Variants in ANXA9 observed in about 807,000 individuals in gnomAD.
ANXA9 encodes the protein annexin 31.
A neutral mutation model predicts 51.8 loss-of-function variants in ANXA9; 47 were observed. The ratio of observed to expected loss-of-function variants is 0.91; its 90% CI spans 0.72 to 1.16. The LOEUF (loss-of-function observed/expected upper bound fraction) is 1.16. ANXA9 is among the 50% of genes most tolerant of loss of function. The probability of loss-of-function intolerance (pLI) is 0.00; values close to 1 mark genes in which losing one functional copy is unlikely to be tolerated. For missense variants in ANXA9, 361 were observed against 424.7 expected, an observed-to-expected ratio of 0.85 and a Z score of 1.32; for synonymous variants, 154 against 168.7, an observed-to-expected ratio of 0.91 and a Z score of 0.68.
chr1:150,983,094 A>G lies in ANXA9; in HGVS notation c.-12A>G. 1 of 1,613,076 alleles carries G rather than the reference A, an allele frequency of 6.2e-7. No individual in the cohort carries two copies. Among genetic ancestry groups the G allele is most frequent in the Non-Finnish European group, 8.5e-7 (1 of 1,179,500 alleles). ...GGCTCCTGTTTCCTTCCCCAGGGCA[A>G]CCAGTAGCACCATGTCTGTGACTGG... On this transcript the variant is annotated 5_prime_UTR_variant, in exon 3 of 14. Transcript: ENST00000368947.
At position 150,983,395 on chromosome 1, in the gene ANXA9, A is replaced by G; in HGVS notation, c.133A>G (p.Lys45Glu). The G allele has an allele frequency of 6.2e-7, 1 of 1,613,916 alleles. No individual in the cohort carries two copies. Among genetic ancestry groups the G allele is most frequent in the Non-Finnish European group, 8.5e-7 (1 of 1,179,894 alleles). Reference sequence around the variant, plus strand: ...GACCTTCTTGAACTTCAGCGTGGACAAGGATGCGCAGAGGCTACTGAGGGC... The same window carrying G: ...GACCTTCTTGAACTTCAGCGTGGACGAGGATGCGCAGAGGCTACTGAGGGC... ...LRTFLNFSVDKDAQRLLRAIT... is the reference protein window; with the variant it reads ...LRTFLNFSVDEDAQRLLRAIT... Residue 45 changes from lysine (K) to glutamate (E), a missense_variant, in exon 4 of 14, where the codon AAG (lysine) becomes GAG (glutamate). Physicochemically the swap from Lys to Glu is moderately conservative, Grantham distance 56. Transcript: ENST00000368947.
At chr1:150,987,559 C>T (rs1671596084) in intron 9 of ANXA9, among the ~76,000 whole-genome samples, 1 of 151,432 alleles carries the variant, frequency 6.6e-6, no homozygotes, top group Admixed American at 6.6e-5. Flanking sequence ...GAAACCCCGT[C>T]TCTACTAAAA....
Position 150,984,333 on chromosome 1 carries a change from T to C in ANXA9, c.320T>C (p.Val107Ala). 1.9e-6 allele frequency: 3 copies of C among 1,614,174 alleles called. No individual in the cohort carries two copies. In the South Asian group the frequency reaches 3.3e-5, roughly 18 times the overall value. ...CTTTCCGGCAACCTGGAGAGGATTG[T>C]GATGGCTCTGCTGCAGCCCACAGCC... The part of the protein sequence containing the change: ...AALSGNLERI[V>A]MALLQPTAQF... Residue 107 changes from valine (V) to alanine (A), a missense_variant, in exon 6 of 14, where the codon GTG (valine) becomes GCG (alanine). Physicochemically the swap from Val to Ala is moderately conservative, Grantham distance 64 (BLOSUM62 0). Coordinates refer to ENST00000368947, the MANE Select transcript of ANXA9 (RefSeq NM_003568.3).
At chr1:150,985,504 A>T (rs1671531890) in intron 7 of ANXA9, among the ~76,000 whole-genome samples, 2 of 139,890 alleles carry the variant, frequency 1.4e-5, no homozygotes, top group African/African-American at 2.7e-5. Context: ...TCATCTTACC[A>T]CCCCTTCCCC....
chr1:150,992,348 GAGACCAGACTGACCAACA>G (rs879622695), intron 12 of ANXA9, among the ~76,000 whole-genome samples: 7 of 152,198 alleles, frequency 4.6e-5, no homozygotes, highest in Admixed American at 4.6e-4. Context: ...TCAGGAGTTC[GAGACCAGACTGACCAACA>G]TGGTGAAACC....
At chr1:150,989,627 G>A (rs1671650602) in intron 12 of ANXA9, among the ~76,000 whole-genome samples, 1 of 152,034 alleles carries the variant, frequency 6.6e-6, no homozygotes, top group South Asian at 2.1e-4. Flanking sequence ...GGAGGCGGAG[G>A]TTGTAGTGAA....
At chr1:150,990,409 T>C (rs587620900) in intron 12 of ANXA9, among the ~76,000 whole-genome samples, 4 of 152,060 alleles carry the variant, frequency 2.6e-5, no homozygotes, top group South Asian at 4.2e-4. Context: ...CTCTGTTGCC[T>C]AGGCTGGAGT....
At chr1:150,980,942 C>A (rs755651899), upstream of ANXA9, among the ~76,000 whole-genome samples, 7 of 151,660 alleles carry the variant, frequency 4.6e-5, no homozygotes, top group Admixed American at 1.3e-4. Flanking sequence ...TTTTTGGGGA[C>A]AAGGTGGTGT....
upstream of ANXA9, among the ~76,000 whole-genome samples, chr1:150,979,737 CT>C (rs1671382846): frequency 3.3e-5 from 5 of 152,274 alleles, no homozygotes; most frequent in African/African-American, 1.2e-4. Flanking sequence ...GATCGGAATT[CT>C]TAAGGAGGTA....
chr1:150,982,778 C>T (rs913327967), intron 2 of ANXA9, among the ~76,000 whole-genome samples, 195 bp downstream of exon 2: 2 of 152,184 alleles, frequency 1.3e-5, no homozygotes, highest in African/African-American at 2.4e-5. Context: ...AGGCATCTAC[C>T]GCGGACCAAG....
upstream of ANXA9, among the ~76,000 whole-genome samples, chr1:150,977,409 T>C (rs1385016396): frequency 2.0e-5 from 3 of 152,200 alleles, no homozygotes; most frequent in Non-Finnish European, 4.4e-5. Context: ...ACCGCTTGCC[T>C]TGGCTGGACC....
chr1:150,979,833 C>A (rs1671386449), upstream of ANXA9, among the ~76,000 whole-genome samples: 1 of 152,226 alleles, frequency 6.6e-6, no homozygotes. Flanking sequence ...CTTAACAGCG[C>A]TGTGCCCAGA....
In ANXA9 at chr1:150,995,607, T is replaced by G. The variant is rs757330604; in HGVS notation, c.*285T>G. ...CCTCCTGTACCCTGGCCAGAACATC[T>G]CACTGATACTCGAATTCTTTTGGCA... On this transcript the variant is annotated 3_prime_UTR_variant, in exon 14 of 14. Transcript: ENST00000368947. 6.3e-6 allele frequency: 2 copies of G among 319,556 alleles called. No homozygotes were observed. The highest frequency in any genetic ancestry group is 1.1e-5 in the Non-Finnish European group (2 of 174,346). 19.8% of individuals were successfully genotyped at this position (319,556 alleles called of 1,614,324 possible).
At position 150,983,325 on chromosome 1, in the gene ANXA9, T is replaced by C; in HGVS notation, c.76-13T>C. On this transcript the variant is annotated splice_polypyrimidine_tract_variant and intron_variant, in intron 3 of 13. Transcript: ENST00000368947. ...TGGCCCTGGCCCTTGCCAACTACCC[T>C]GTGCTCCCACAGACTGCAGCGTGGG... is the stretch of plus-strand genomic sequence containing the variant. 6.2e-7 allele frequency: 1 copy of C among 1,613,420 alleles called. No homozygotes were observed. The highest frequency in any genetic ancestry group is 2.2e-5 in the East Asian group (1 of 44,876).
In ANXA9 at chr1:150,988,078, C is replaced by G; in HGVS notation, c.698-13C>G. The stretch of plus-strand genomic sequence containing the variant: ...CCCCATCCATCTTTCTAACTGCCTC[C>G]TACACACACAAGTGTTTGATCAGTA... On this transcript the variant is annotated splice_polypyrimidine_tract_variant and intron_variant, in intron 10 of 13. Transcript: ENST00000368947. 1.9e-6 allele frequency: 3 copies of G among 1,614,158 alleles called. No individual in the cohort carries two copies. The highest frequency in any genetic ancestry group is 2.5e-6 in the Non-Finnish European group (3 of 1,180,020).
At position 150,995,215 on chromosome 1, in the gene ANXA9, A is replaced by G. The variant is rs749985343; in HGVS notation, c.976-45A>G. 6 of 1,583,994 alleles carry G rather than the reference A, an allele frequency of 3.8e-6. No homozygotes were observed. In the East Asian group the frequency reaches 1.4e-4, roughly 36 times the overall value. On this transcript the variant is annotated intron_variant, in intron 13 of 13. Transcript: ENST00000368947. Reference sequence around the variant, plus strand: ...AAGGAGGGGAGAGAGCACTTGGGCCATAGTGGTGGTGGATCTTTCTAACAC... The same window carrying G: ...AAGGAGGGGAGAGAGCACTTGGGCCGTAGTGGTGGTGGATCTTTCTAACAC...
intron 12 of ANXA9, among the ~76,000 whole-genome samples, chr1:150,992,378 C>T (rs1187369501): frequency 6.6e-6 from 1 of 152,026 alleles, no homozygotes; most frequent in Non-Finnish European, 1.5e-5. Context: ...GGTGAAACCC[C>T]GTCTCTACTA....
Position 150,983,446 on chromosome 1 carries a change from TC to T in ANXA9, c.172+17del. Reference sequence around the variant, plus strand: ...CATTACTGGCCAAGGTGAGCCCCTTTCCCCCGGCACTTGAGACTGCCTTTTA... The same window carrying T: ...CATTACTGGCCAAGGTGAGCCCCTTTCCCCGGCACTTGAGACTGCCTTTTA... On this transcript the variant is annotated intron_variant, in intron 4 of 13. Coordinates refer to ENST00000368947, the MANE Select transcript of ANXA9 (RefSeq NM_003568.3). 2 of 1,599,520 alleles carry T rather than the reference TC, an allele frequency of 1.3e-6. No homozygotes were observed. Among genetic ancestry groups the T allele is most frequent in the African/African-American group, 1.3e-5 (1 of 74,692 alleles).
intron 4 of ANXA9, 48 bp from the exon 5 acceptor site, chr1:150,983,927 C>T (rs1167355530): frequency 3.2e-6 from 5 of 1,566,136 alleles, no homozygotes; most frequent in Middle Eastern, 1.7e-4. Context: ...TAGGAACATC[C>T]CACTATGTAA....
Sources: gnomAD v4.1 joint callset for allele counts (sites outside exome capture counted in the v4.1 genomes callset) on GRCh38, gnomAD v4.1.1 for gene constraint, MANE v1.5 for transcripts, NCBI Gene and HGNC (gene_info 2026-07-23, HGNC 2026-07-21) for gene names.